Variants in MRTFA observed in about 807,000 individuals in gnomAD.
The protein encoded by MRTFA is myocardin-related transcription factor A.
In MRTFA, 20 loss-of-function variants were observed where a neutral mutation model predicts 83.5. That is an observed-to-expected ratio of 0.24 (90% CI 0.17 to 0.35). The LOEUF (loss-of-function observed/expected upper bound fraction) is 0.35, where lower values mean the gene tolerates loss of function less well. Among genes scored for constraint, MRTFA ranks in the 10% least tolerant of loss-of-function variants. MRTFA has a pLI of 1.00. For synonymous variants in MRTFA, 659 were observed against 541.2 expected, an observed-to-expected ratio of 1.22 and a Z score of -3.02; for missense variants, 1,200 against 1,224.7, an observed-to-expected ratio of 0.98 and a Z score of 0.30.
In MRTFA at chr22:40,418,469, T is replaced by TG; in HGVS notation, c.2268dup (p.Thr757HisfsTer18). ...GTCCCTGTGGAGTCGGTGATGAGGG[T>TG]GGGAGGTGCAACCCCCTTGATGAGG... On this transcript the variant is annotated frameshift_variant, in exon 12 of 15. Coordinates refer to ENST00000355630, the MANE Select transcript of MRTFA (RefSeq NM_020831.6). LOFTEE classifies it high-confidence loss of function. 1 of 1,613,386 alleles carries TG rather than the reference T, an allele frequency of 6.2e-7. No individual in the cohort carries two copies. Among genetic ancestry groups the TG allele is most frequent in the Admixed American group, 1.7e-5 (1 of 59,902 alleles).
intron 4 of MRTFA, among the ~76,000 whole-genome samples, chr22:40,439,779 C>A (rs551261755): frequency 1.3e-5 from 2 of 152,258 alleles, no homozygotes; most frequent in South Asian, 4.2e-4. Context: ...CAGCCTTTGG[C>A]ACTGATACTA....
intron 3 of MRTFA, among the ~76,000 whole-genome samples, chr22:40,543,171 GA>G (rs1569320703): frequency 6.6e-6 from 1 of 152,094 alleles, no homozygotes; most frequent in African/African-American, 2.4e-5. Context: ...GAAAATCCTT[GA>G]AAACCATGCT....
chr22:40,629,127 T>C (rs1045058871), intron 1 of MRTFA, among the ~76,000 whole-genome samples: 1 of 151,754 alleles, frequency 6.6e-6, no homozygotes, highest in Non-Finnish European at 1.5e-5. Context: ...TCTTCTCTTC[T>C]CTACAAAAAA....
intron 4 of MRTFA, among the ~76,000 whole-genome samples, chr22:40,452,344 AT>A (rs1242182646): frequency 2.6e-5 from 4 of 152,140 alleles, no homozygotes; most frequent in Non-Finnish European, 5.9e-5. Context: ...TGGGCATGTG[AT>A]TAAGATGTGT....
chr22:40,526,069 G>A (rs2054966655), intron 3 of MRTFA: 1 of 151,614 alleles, frequency 6.6e-6, no homozygotes, highest in African/African-American at 2.4e-5. Flanking sequence ...AGGCTGGAGT[G>A]CAGTGGCACA....
At chr22:40,577,902 G>A (rs1397326545) in intron 2 of MRTFA, among the ~76,000 whole-genome samples, 1 of 151,502 alleles carries the variant, frequency 6.6e-6, no homozygotes, top group Admixed American at 6.6e-5. Context: ...CACCACGCCC[G>A]GCCTACATCT....
intron 1 of MRTFA, among the ~76,000 whole-genome samples, chr22:40,629,063 G>C (rs2056611812): frequency 6.6e-6 from 1 of 151,994 alleles, no homozygotes; most frequent in Non-Finnish European, 1.5e-5. Flanking sequence ...GCCAAGGCAG[G>C]AGGATTGCTG....
intron 1 of MRTFA, among the ~76,000 whole-genome samples, chr22:40,634,457 A>T (rs768999334): frequency 6.6e-6 from 1 of 152,208 alleles, no homozygotes; most frequent in Non-Finnish European, 1.5e-5. Flanking sequence ...CTGAGTTAAC[A>T]TTCAGCTCAA....
intron 3 of MRTFA, among the ~76,000 whole-genome samples, chr22:40,550,331 C>T (rs547360543): frequency 6.6e-6 from 1 of 151,670 alleles, no homozygotes; most frequent in African/African-American, 2.4e-5. Flanking sequence ...GCCAAGACAA[C>T]TTTGAAAAAG....
chr22:40,615,499 C>A (rs1307044556), intron 1 of MRTFA, among the ~76,000 whole-genome samples: 2 of 152,092 alleles, frequency 1.3e-5, no homozygotes, highest in Admixed American at 6.5e-5. Flanking sequence ...CAATTTCTCC[C>A]CAAAAAGTCC....
At chr22:40,527,875 G>A (rs1182490633) in intron 3 of MRTFA, among the ~76,000 whole-genome samples, 1 of 151,842 alleles carries the variant, frequency 6.6e-6, no homozygotes. Context: ...TAAAACTGTA[G>A]TTCTTGGTCT....
chr22:40,465,969 T>C (rs1047085074), intron 3 of MRTFA, among the ~76,000 whole-genome samples: 1 of 152,060 alleles, frequency 6.6e-6, no homozygotes, highest in Admixed American at 6.6e-5. Context: ...TAGAACAGGA[T>C]TTGGAGACAA....
At chr22:40,500,756 A>G (rs1299967074) in intron 3 of MRTFA, among the ~76,000 whole-genome samples, 18 of 150,396 alleles carry the variant, frequency 1.2e-4, no homozygotes, top group Admixed American at 1.2e-3. Context: ...AATTTTTCTT[A>G]GTGCAGAACA....
chr22:40,519,624 A>G, intron 3 of MRTFA: 1 of 1,290,288 alleles, frequency 7.8e-7, no homozygotes, highest in South Asian at 1.3e-5. Flanking sequence ...TGTTGTACAT[A>G]AAAGCAAAAA....
chr22:40,574,607 T>C (rs1170315628), intron 2 of MRTFA, among the ~76,000 whole-genome samples: 2 of 151,944 alleles, frequency 1.3e-5, no homozygotes, highest in Non-Finnish European at 2.9e-5. Flanking sequence ...CTGATTTTTG[T>C]ACTTTTTGGT....
At chr22:40,438,879 A>G (rs2053220966) in intron 4 of MRTFA, among the ~76,000 whole-genome samples, 1 of 152,206 alleles carries the variant, frequency 6.6e-6, no homozygotes, top group African/African-American at 2.4e-5. Context: ...ATTACTCTAT[A>G]TGAATTCCTA....
Position 40,416,819 on chromosome 22 carries a change from C to T in MRTFA, c.2578+167G>A, listed in dbSNP as rs946245160. ...AGGACGGCACCTTCCCTGGTCCTCT[C>T]GCCCAGGCCTTGGAGACGGGAGGGC... On this transcript the variant is annotated intron_variant, in intron 14 of 14. Coordinates refer to ENST00000355630, the MANE Select transcript of MRTFA (RefSeq NM_020831.6). The surrounding 1 kb of genome is among the most constrained non-coding windows in gnomAD (Gnocchi z 4.2). Among the ~76,000 whole-genome samples the T allele has an allele frequency of 1.5e-4, 23 of 152,326 alleles. No individual in the cohort carries two copies. In the East Asian group the frequency reaches 2.9e-3, roughly 19 times the overall value.
At chr22:40,449,666 C>T (rs973053976) in intron 4 of MRTFA, among the ~76,000 whole-genome samples, 1 of 152,180 alleles carries the variant, frequency 6.6e-6, no homozygotes, top group African/African-American at 2.4e-5. Context: ...ATACCAGGTG[C>T]TGATTAAAAC....
intron 3 of MRTFA, among the ~76,000 whole-genome samples, chr22:40,485,801 A>T (rs1320478811): frequency 6.6e-6 from 1 of 152,138 alleles, no homozygotes; most frequent in Non-Finnish European, 1.5e-5. Flanking sequence ...GTAAAAATAA[A>T]CTCTAAGATG....
Sources: gnomAD v4.1 joint callset for allele counts (sites outside exome capture counted in the v4.1 genomes callset) on GRCh38, gnomAD v4.1.1 for gene constraint, Gnocchi (gnomAD v3.1) non-coding constraint, MANE v1.5 for transcripts, NCBI Gene and HGNC (gene_info 2026-07-23, HGNC 2026-07-21) for gene names.